LINC00305: variants seen among roughly 807,000 people sequenced by gnomAD.
LINC00305 encodes long independently transcribed non-coding RNA 305.
chr18:64,131,364 C>T (rs1349383281), intron 1 of LINC00305, among the ~76,000 whole-genome samples: 2 of 152,164 alleles, frequency 1.3e-5, no homozygotes, highest in Admixed American at 1.3e-4. Context: ...AGTATTCACG[C>T]TTGGCTTATG....
intron 1 of LINC00305, among the ~76,000 whole-genome samples, chr18:64,103,486 C>G (rs554839763): frequency 6.6e-6 from 1 of 152,290 alleles, no homozygotes; most frequent in Non-Finnish European, 1.5e-5. Flanking sequence ...TCAGCACTCT[C>G]CAGTTTCACT....
intron 3 of LINC00305, among the ~76,000 whole-genome samples, chr18:64,080,848 A>G (rs1474857168): frequency 6.6e-6 from 1 of 152,172 alleles, no homozygotes; most frequent in Non-Finnish European, 1.5e-5. Context: ...TGGTAAGTCT[A>G]GAATCACCTT....
At chr18:64,114,375 G>T (rs2590394) in intron 1 of LINC00305, among the ~76,000 whole-genome samples, 152,160 of 152,290 alleles carry the variant, frequency 1, 76,016 homozygotes, top group East Asian at 1. Context: ...AATTCCTTTT[G>T]CCAAGCCCTT....
At chr18:64,128,588 A>G (rs891178910) in intron 1 of LINC00305, among the ~76,000 whole-genome samples, 3 of 152,092 alleles carry the variant, frequency 2.0e-5, no homozygotes, top group African/African-American at 7.2e-5. Context: ...GAGTGCTGGG[A>G]GAAATTCTCT....
intron 1 of LINC00305, among the ~76,000 whole-genome samples, chr18:64,118,682 A>T (rs888134645): frequency 3.3e-5 from 5 of 152,144 alleles, no homozygotes; most frequent in African/African-American, 1.2e-4. Flanking sequence ...AATTATATAC[A>T]TATATAAATT....
intron 1 of LINC00305, among the ~76,000 whole-genome samples, chr18:64,105,402 A>G (rs746959945): frequency 1.3e-5 from 2 of 152,196 alleles, no homozygotes; most frequent in Non-Finnish European, 2.9e-5. Context: ...CAGAGGTTAC[A>G]GTGAACTGAT....
chr18:64,126,228 T>A (rs1414255828), intron 1 of LINC00305, among the ~76,000 whole-genome samples: 1 of 152,030 alleles, frequency 6.6e-6, no homozygotes, highest in Admixed American at 6.6e-5. Flanking sequence ...ATTCATACAG[T>A]TGAAGTAATT....
chr18:64,132,514 C>G (rs987431303), intron 1 of LINC00305, among the ~76,000 whole-genome samples: 24 of 152,182 alleles, frequency 1.6e-4, no homozygotes, highest in Admixed American at 2.0e-4. Context: ...TCCACTCCCC[C>G]CCCGAGTAAC....
At chr18:64,093,861 A>T (rs1165476067) in intron 3 of LINC00305, among the ~76,000 whole-genome samples, 1 of 152,238 alleles carries the variant, frequency 6.6e-6, no homozygotes, top group Non-Finnish European at 1.5e-5. Flanking sequence ...TCAAAACATG[A>T]GAGGTTCTAG....
At chr18:64,096,955 A>T (rs2051247461) in intron 3 of LINC00305, among the ~76,000 whole-genome samples, 1 of 151,910 alleles carries the variant, frequency 6.6e-6, no homozygotes. Context: ...ATATAACTAT[A>T]ATAAAACTTT....
intron 3 of LINC00305, among the ~76,000 whole-genome samples, chr18:64,088,784 A>T (rs1393869660): frequency 6.6e-6 from 1 of 152,162 alleles, no homozygotes; most frequent in Non-Finnish European, 1.5e-5. Context: ...ATGGTGGAAG[A>T]CCTCATCAGG....
intron 3 of LINC00305, among the ~76,000 whole-genome samples, chr18:64,085,235 T>TTTCCTA (rs534361834): frequency 4.5e-4 from 68 of 152,320 alleles, no homozygotes; most frequent in South Asian, 1.4e-3. Context: ...ACAGATTGCA[T>TTTCCTA]TTCCTATTCC....
chr18:64,134,212 A>T (rs1271333218), intron 1 of LINC00305, among the ~76,000 whole-genome samples: 1 of 152,330 alleles, frequency 6.6e-6, no homozygotes, highest in South Asian at 2.1e-4. Context: ...GCATTCATAT[A>T]TGGAAACCCT....
At chr18:64,143,774 ACATGTATGTACACATATTATGCG>A (rs879903770) in intron 1 of LINC00305, among the ~76,000 whole-genome samples, 23,775 of 143,656 alleles carry the variant, frequency 0.17, 956 homozygotes, top group East Asian at 0.28. Flanking sequence ...TATTATGCGT[ACATGTATGTACACATATTATGCG>A]TACATGTATG....
chr18:64,148,909 C>T (rs1225019934), exon 1 of LINC00305: 2 of 152,198 alleles, frequency 1.3e-5, no homozygotes, highest in African/African-American at 2.4e-5. Context: ...CTCTGTGAGT[C>T]ACTGGCCAAT....
At chr18:64,145,192 G>T (rs2051491241) in intron 1 of LINC00305, among the ~76,000 whole-genome samples, 2 of 152,110 alleles carry the variant, frequency 1.3e-5, no homozygotes, top group South Asian at 4.1e-4. Context: ...CTGTTTTAAG[G>T]CTCTGTTAGA....
At chr18:64,082,379 C>T (rs1420568173) in intron 3 of LINC00305, among the ~76,000 whole-genome samples, 1 of 152,140 alleles carries the variant, frequency 6.6e-6, no homozygotes, top group Non-Finnish European at 1.5e-5. Flanking sequence ...CTCCCCACTC[C>T]TGCCAAATTA....
intron 2 of LINC00305, chr18:64,098,142 A>C (rs1262582208): frequency 2.8e-6 from 1 of 355,780 alleles, no homozygotes; most frequent in Non-Finnish European, 5.6e-6. Flanking sequence ...CTAGAAATAT[A>C]AAAGTTGAAA....
At chr18:64,084,968 G>A (rs551379226) in intron 3 of LINC00305, among the ~76,000 whole-genome samples, 50 of 152,256 alleles carry the variant, frequency 3.3e-4, no homozygotes, top group Non-Finnish European at 6.6e-4. Context: ...TATGAGAACA[G>A]GGAGGTGTGA....
Sources: allele counts gnomAD v4.1 joint callset (sites outside exome capture counted in the v4.1 genomes callset), GRCh38; gene constraint gnomAD v4.1.1; transcripts MANE v1.5; gene names NCBI Gene and HGNC (gene_info 2026-07-23, HGNC 2026-07-21).